Variants in PRKACB observed in about 807,000 individuals in gnomAD.
The protein encoded by PRKACB is protein kinase cAMP-activated catalytic subunit beta.
A neutral mutation model predicts 51.4 loss-of-function variants in PRKACB; 16 were observed. That is an observed-to-expected ratio of 0.31 (90% CI 0.21 to 0.47). PRKACB has a LOEUF of 0.47. PRKACB is among the 20% of genes least tolerant of loss of function. The pLI, the probability that PRKACB is intolerant of heterozygous loss-of-function variation, is 1.00. For missense variants in PRKACB, 309 were observed against 464.5 expected (o/e 0.67, Z 3.08); for synonymous variants, 147 against 154.4 (o/e 0.95, Z 0.35).
At chr1:84,155,140 ACT>A (rs1215659971) in intron 1 of PRKACB, among the ~76,000 whole-genome samples, 3 of 152,252 alleles carry the variant, frequency 2.0e-5, no homozygotes, top group East Asian at 1.9e-4. Flanking sequence ...GACCCTGAAG[ACT>A]CTACCAAAAA....
Position 84,090,077 on chromosome 1 carries a change from A to G in PRKACB, c.46+11706A>G, listed in dbSNP as rs143572085. Among the ~76,000 whole-genome samples, 5 of 152,312 alleles carry G rather than the reference A, an allele frequency of 3.3e-5. No individual in the cohort carries two copies. In the East Asian group the frequency reaches 9.6e-4, roughly 29 times the overall value. Reference sequence around the variant, plus strand: ...CTGCACAGAAGAACACTAGAAATTTACTATCATCAACCTCAAATGAGCTGT... The same window carrying G: ...CTGCACAGAAGAACACTAGAAATTTGCTATCATCAACCTCAAATGAGCTGT... On this transcript the variant is annotated intron_variant, in intron 1 of 8. Coordinates refer to the PRKACB transcript ENST00000370688.
At chr1:84,232,231 T>C (rs1459489480) in intron 9 of PRKACB, among the ~76,000 whole-genome samples, 3 of 151,898 alleles carry the variant, frequency 2.0e-5, no homozygotes, top group Admixed American at 6.6e-5. Context: ...TTGAGCGGTT[T>C]TGAGTGAGAT....
At chr1:84,122,000 C>A (rs894969414) in intron 1 of PRKACB, among the ~76,000 whole-genome samples, 1 of 151,982 alleles carries the variant, frequency 6.6e-6, no homozygotes, top group Non-Finnish European at 1.5e-5. Flanking sequence ...TTTGGTGAGT[C>A]CCCCCAAAAC....
intron 9 of PRKACB, among the ~76,000 whole-genome samples, chr1:84,217,986 ATCTG>A (rs1437293050): frequency 2.0e-5 from 3 of 152,106 alleles, no homozygotes; most frequent in Non-Finnish European, 4.4e-5. Flanking sequence ...TAATATATAC[ATCTG>A]TCTATTTCTG....
At chr1:84,126,026 T>C (rs1327499501) in intron 1 of PRKACB, among the ~76,000 whole-genome samples, 1 of 145,164 alleles carries the variant, frequency 6.9e-6, no homozygotes, top group Non-Finnish European at 1.5e-5. Context: ...GGACAAGTGC[T>C]TCTGGGCATC....
At chr1:84,123,407 T>C (rs965100115) in intron 1 of PRKACB, among the ~76,000 whole-genome samples, 1 of 152,136 alleles carries the variant, frequency 6.6e-6, no homozygotes, top group Non-Finnish European at 1.5e-5. Flanking sequence ...GAGAAACTAA[T>C]GGGTTCAGTA....
intron 1 of PRKACB, chr1:84,175,798 G>C: frequency 1.9e-6 from 3 of 1,572,500 alleles, no homozygotes; most frequent in Non-Finnish European, 2.6e-6. Flanking sequence ...TGAACATGTA[G>C]ATTCCTTTGG....
At chr1:84,155,117 C>T (rs1655323021) in intron 1 of PRKACB, among the ~76,000 whole-genome samples, 1 of 151,960 alleles carries the variant, frequency 6.6e-6, no homozygotes, top group Admixed American at 6.6e-5. Context: ...ATGATATTAT[C>T]TTGTATATTA....
At chr1:84,206,611 A>C (rs1671377168) in intron 8 of PRKACB, among the ~76,000 whole-genome samples, 1 of 152,094 alleles carries the variant, frequency 6.6e-6, no homozygotes, top group Admixed American at 6.6e-5. Flanking sequence ...TACCAGCAAC[A>C]CTCATTAAAT....
intron 2 of PRKACB, among the ~76,000 whole-genome samples, chr1:84,179,956 C>T (rs140763197): frequency 0.016 from 2,306 of 148,770 alleles, 64 homozygotes; most frequent in African/African-American, 0.054. Context: ...GCCCCCCACC[C>T]CGCGACAGGC....
At chr1:84,138,254 A>T (rs1406271975) in intron 1 of PRKACB, among the ~76,000 whole-genome samples, 1 of 152,210 alleles carries the variant, frequency 6.6e-6, no homozygotes, top group Non-Finnish European at 1.5e-5. Flanking sequence ...ACAGTGATGG[A>T]GGTATATCAA....
At chr1:84,168,102 A>T (rs1186949112) in intron 1 of PRKACB, among the ~76,000 whole-genome samples, 2 of 151,588 alleles carry the variant, frequency 1.3e-5, no homozygotes, top group Non-Finnish European at 3.0e-5. Flanking sequence ...TCACTCAAAT[A>T]AGCTTAAGCA....
chr1:84,107,797 C>G (rs1297923358), intron 1 of PRKACB, among the ~76,000 whole-genome samples: 1 of 152,138 alleles, frequency 6.6e-6, no homozygotes, highest in East Asian at 1.9e-4. Flanking sequence ...CCATCTCACA[C>G]CAGTCAGAAT....
At chr1:84,157,230 T>C (rs1037678109) in intron 1 of PRKACB, 5 of 152,188 alleles carry the variant, frequency 3.3e-5, no homozygotes, top group African/African-American at 1.2e-4. Flanking sequence ...ATGGCCCTTA[T>C]GAAGCCTCAA....
At chr1:84,148,106 T>C (rs1262676224) in intron 1 of PRKACB, among the ~76,000 whole-genome samples, 3 of 152,182 alleles carry the variant, frequency 2.0e-5, no homozygotes, top group Non-Finnish European at 2.9e-5. Context: ...ACAGTCAGCA[T>C]GGCAATGAAT....
intron 1 of PRKACB, among the ~76,000 whole-genome samples, chr1:84,177,112 A>G (rs965090437): frequency 4.6e-5 from 7 of 151,918 alleles, no homozygotes; most frequent in African/African-American, 1.7e-4. Context: ...TCTCTAAATT[A>G]TTTATACTCA....
chr1:84,126,788 A>G (rs918772472), intron 1 of PRKACB, among the ~76,000 whole-genome samples: 3 of 152,196 alleles, frequency 2.0e-5, no homozygotes, highest in Non-Finnish European at 4.4e-5. Flanking sequence ...AAAAAGTAGG[A>G]ATTATCTTTT....
intron 8 of PRKACB, chr1:84,204,927 A>G (rs994666626): frequency 2.2e-5 from 21 of 973,522 alleles, no homozygotes; most frequent in Non-Finnish European, 2.4e-5. Flanking sequence ...TTATGAATAT[A>G]TATTCATTTT....
rs142985014 is a variant in PRKACB at position 84,158,920 on chromosome 1, T to A, written c.187+14372T>A. ...CTTTCTCTATTTAATTATCTTGGCA[T>A]CTTTCTCAAAAATCAGTTGACCATA... On this transcript the variant is annotated intron_variant, in intron 1 of 9. Coordinates refer to ENST00000370685, the MANE Select transcript of PRKACB (RefSeq NM_182948.4). Among the ~76,000 whole-genome samples, 26 of 152,280 alleles carry A rather than the reference T, an allele frequency of 1.7e-4. No individual in the cohort carries two copies. In the East Asian group the frequency reaches 4.8e-3, roughly 28 times the overall value.
Sources: allele counts gnomAD v4.1 joint callset (sites outside exome capture counted in the v4.1 genomes callset), GRCh38; gene constraint gnomAD v4.1.1; transcripts MANE v1.5; gene names NCBI Gene and HGNC (gene_info 2026-07-23, HGNC 2026-07-21).